The following RAB3GAP1 variants were observed in gnomAD, a reference collection of about 807,000 sequenced individuals.
RAB3GAP1 encodes the protein RAB3 GTPase activating protein catalytic subunit 1.
In RAB3GAP1, 86 loss-of-function variants were observed where a neutral mutation model predicts 130.7. The ratio of observed to expected loss-of-function variants is 0.66; its 90% CI spans 0.55 to 0.79. The LOEUF is 0.79. Ranked by LOEUF, RAB3GAP1 falls within the 30% of genes least tolerant of loss-of-function variation. RAB3GAP1 has a pLI of 0.00. For synonymous variants in RAB3GAP1, 367 were observed against 401.7 expected, an observed-to-expected ratio of 0.91 and a Z score of 1.03; for missense variants, 1,029 against 1,169.4, an observed-to-expected ratio of 0.88 and a Z score of 1.75.
Position 135,168,680 on chromosome 2 carries a change from G to A in RAB3GAP1, c.2845G>A (p.Ala949Thr). ...TTTGCGCACCACTGTGCCGCGCCCT[G>A]CTCCCTACTCCAAAGCTCTGCCTCA... ...FILRTTVPRP[A>T]PYSKALPQRM... Residue 949 changes from alanine (A) to threonine (T), a missense_variant, in exon 24 of 24, where the codon GCT becomes ACT. Transcript: ENST00000264158. The A allele has an allele frequency of 6.2e-7, 1 of 1,614,226 alleles. No homozygotes were observed. Among genetic ancestry groups the A allele is most frequent in the Non-Finnish European group, 8.5e-7 (1 of 1,180,046 alleles).
At chr2:135,062,192 G>A (rs1689194759) in intron 3 of RAB3GAP1, among the ~76,000 whole-genome samples, 1 of 152,160 alleles carries the variant, frequency 6.6e-6, no homozygotes, top group Non-Finnish European at 1.5e-5. Context: ...GGGATTACGG[G>A]CATGAGGCAC....
chr2:135,131,855 T>A (rs1249865077), intron 13 of RAB3GAP1, among the ~76,000 whole-genome samples: 1 of 152,250 alleles, frequency 6.6e-6, no homozygotes, highest in African/African-American at 2.4e-5. Context: ...GTAATTGTGG[T>A]TAAAATCATA....
chr2:135,052,510 C>G lies in RAB3GAP1; in HGVS notation c.74+25C>G, dbSNP rs1292787793. On this transcript the variant is annotated intron_variant, in intron 2 of 23. Transcript: ENST00000264158. The stretch of plus-strand genomic sequence containing the variant: ...GGTGAGTGAATCGCATTTTTGGTTA[C>G]CAGCTCCCATGGGCCCTGGCGTCCC... 5.0e-6 allele frequency: 8 copies of G among 1,612,594 alleles called. No individual in the cohort carries two copies. In the Admixed American group the frequency reaches 1.2e-4, roughly 24 times the overall value.
intron 17 of RAB3GAP1, among the ~76,000 whole-genome samples, chr2:135,150,058 A>G (rs942617969): frequency 6.6e-6 from 1 of 152,098 alleles, no homozygotes; most frequent in Non-Finnish European, 1.5e-5. Context: ...TTAGGACTTC[A>G]TTTCTTTATC....
Position 135,135,267 on chromosome 2 carries a change from T to G in RAB3GAP1, c.1502T>G (p.Leu501Ter), listed in dbSNP as rs1200420602. The G allele has an allele frequency of 1.9e-6, 3 of 1,609,186 alleles. No homozygotes were observed. Among genetic ancestry groups the G allele is most frequent in the East Asian group, 2.2e-5 (1 of 44,834 alleles). The change falls in exon 16 of 24, where the codon TTA (leucine) becomes TGA (stop). Residue 501 changes from leucine to a stop codon, truncating the protein, a stop_gained and splice_region_variant. Transcript: ENST00000264158. LOFTEE classifies it high-confidence loss of function. ...RWENNFLIPG[L>*]ASGPPDLRCC... ...TTTCTCCTTACTTTATTTGATAGAT[T>G]AGCAAGTGGACCCCCAGATCTGAGG... is the stretch of plus-strand genomic sequence containing the variant.
At chr2:135,103,674 G>T (rs1690514882) in intron 5 of RAB3GAP1, among the ~76,000 whole-genome samples, 1 of 152,040 alleles carries the variant, frequency 6.6e-6, no homozygotes, top group African/African-American at 2.4e-5. Context: ...GTCTAGGCTG[G>T]CCATGAAAAT....
chr2:135,108,781 G>A (rs1690707650), intron 5 of RAB3GAP1, among the ~76,000 whole-genome samples: 2 of 152,072 alleles, frequency 1.3e-5, no homozygotes, highest in South Asian at 2.1e-4. Context: ...AAGTTATCTA[G>A]ATTTTATTCT....
At chr2:135,172,274 T>TA (rs916851648), downstream of RAB3GAP1, among the ~76,000 whole-genome samples, 22 of 147,110 alleles carry the variant, frequency 1.5e-4, no homozygotes, top group East Asian at 5.9e-4. Context: ...TATTAAAAGT[T>TA]AAAAAAAAAA....
intron 11 of RAB3GAP1, 40 bp downstream of exon 11, chr2:135,126,696 C>T: frequency 1.3e-6 from 2 of 1,507,060 alleles, no homozygotes; most frequent in East Asian, 4.5e-5. Flanking sequence ...TACTGCTGAT[C>T]TGCCTAACTT....
At position 135,153,711 on chromosome 2, in the gene RAB3GAP1, T is replaced by G. The variant is rs1277243319; in HGVS notation, c.2124T>G (p.Ile708Met). 6.2e-7 allele frequency: 1 copy of G among 1,613,918 alleles called. No individual in the cohort carries two copies. Among genetic ancestry groups the G allele is most frequent in the African/African-American group, 1.3e-5 (1 of 74,908 alleles). ...FVRWYSPRDY[I>M]EEEVIDEKGN... ...GGTGGTATTCACCCCGGGATTATAT[T>G]GAAGAGGAGGTGATTGATGAAAAGG... The change falls in exon 19 of 24, where the codon ATT becomes ATG. Residue 708 changes from isoleucine to methionine, a missense_variant. Coordinates refer to ENST00000264158, the MANE Select transcript of RAB3GAP1 (RefSeq NM_012233.3).
At position 135,167,841 on chromosome 2, in the gene RAB3GAP1, C is replaced by T. The variant is rs77800947; in HGVS notation, c.2710-704C>T. 8,186 of 692,876 alleles carry T rather than the reference C, an allele frequency of 0.012. 83 individuals are homozygous for T. Among genetic ancestry groups the T allele is most frequent in the Middle Eastern group, 0.034 (138 of 4,020 alleles). The allele number at this position is 692,876 out of a possible 1,614,324, so 42.9% of individuals were successfully genotyped here. ...GCTTACCTACCTTGCTGATGTTTAG[C>T]GCAACATGATTTCATGTTTCCATTG... On this transcript the variant is annotated intron_variant, in intron 23 of 23. Transcript: ENST00000264158.
intron 11 of RAB3GAP1, among the ~76,000 whole-genome samples, chr2:135,126,950 A>C (rs1241869354): frequency 6.6e-6 from 1 of 151,854 alleles, no homozygotes; most frequent in Non-Finnish European, 1.5e-5. Flanking sequence ...GTCTCGGCTC[A>C]CTGCAACCTC....
chr2:135,056,923 C>T (rs1035082082), intron 2 of RAB3GAP1, among the ~76,000 whole-genome samples: 22 of 152,162 alleles, frequency 1.4e-4, no homozygotes, highest in Non-Finnish European at 2.9e-4. Context: ...CCTTTCCATA[C>T]AGTTTGACTA....
At chr2:135,131,463 C>G (rs1691539300) in intron 13 of RAB3GAP1, among the ~76,000 whole-genome samples, 1 of 152,090 alleles carries the variant, frequency 6.6e-6, no homozygotes, top group Non-Finnish European at 1.5e-5. Context: ...ATCTCCTGAC[C>G]TCGTAATCCG....
At chr2:135,071,849 C>T (rs1388404109) in intron 3 of RAB3GAP1, among the ~76,000 whole-genome samples, 1 of 152,222 alleles carries the variant, frequency 6.6e-6, no homozygotes, top group African/African-American at 2.4e-5. Flanking sequence ...GTTGGTCTGT[C>T]AGGAGACTCT....
downstream of RAB3GAP1, among the ~76,000 whole-genome samples, chr2:135,172,026 C>T (rs371158261): frequency 2.6e-5 from 4 of 152,128 alleles, no homozygotes; most frequent in African/African-American, 7.2e-5. Context: ...AAGTTGCACA[C>T]GTGCAAGGGC....
At position 135,162,538 on chromosome 2, in the gene RAB3GAP1, C is replaced by T. The variant is rs56786863; in HGVS notation, c.2290-17C>T. The T allele has an allele frequency of 0.026, 42,118 of 1,590,360 alleles. 1,430 individuals are homozygous for T. Among genetic ancestry groups the T allele is most frequent in the African/African-American group, 0.15 (11,432 of 74,496 alleles). The stretch of plus-strand genomic sequence containing the variant: ...GACACCTGCGCTGATCATTTGTGTG[C>T]GCTGCACCTCCTTCAGGTGCTGCAC... On this transcript the variant is annotated splice_polypyrimidine_tract_variant and intron_variant, in intron 19 of 23. Coordinates refer to ENST00000264158, the MANE Select transcript of RAB3GAP1 (RefSeq NM_012233.3).
chr2:135,081,357 TATATACAC>T (rs796126701), intron 3 of RAB3GAP1, among the ~76,000 whole-genome samples: 1,063 of 85,424 alleles, frequency 0.012, 33 homozygotes, highest in African/African-American at 0.025. Context: ...TATATATATA[TATATACAC>T]ACACGTGTGT....
At position 135,088,654 on chromosome 2, in the gene RAB3GAP1, A is replaced by G. The variant is rs565742252; in HGVS notation, c.151-2344A>G. ...CAGTGAACCAAGATCGCACCACTGC[A>G]CTCCAGCCTGGGTGACAGAGCGAGA... On this transcript the variant is annotated intron_variant, in intron 3 of 23. Transcript: ENST00000264158. Among the ~76,000 whole-genome samples, 4 of 144,410 alleles carry G rather than the reference A, an allele frequency of 2.8e-5. No homozygotes were observed. The East Asian group carries it at 8.0e-4, about 29-fold the overall frequency. The allele number at this position is 144,410 out of a possible 152,430, so 94.7% of individuals were successfully genotyped here.
Sources: gnomAD v4.1 joint callset for allele counts (sites outside exome capture counted in the v4.1 genomes callset) on GRCh38, gnomAD v4.1.1 for gene constraint, MANE v1.5 for transcripts, NCBI Gene and HGNC (gene_info 2026-07-23, HGNC 2026-07-21) for gene names.